The following ATRNL1 variants were observed in gnomAD, a reference collection of about 807,000 sequenced individuals.
ATRNL1 encodes the protein attractin like 1.
In ATRNL1, 95 loss-of-function variants were observed where a neutral mutation model predicts 182.7. That is an observed-to-expected ratio of 0.52 (90% CI 0.44 to 0.62). The LOEUF (loss-of-function observed/expected upper bound fraction) is 0.62. Among genes scored for constraint, ATRNL1 ranks in the 20% least tolerant of loss-of-function variants. The pLI, the probability that ATRNL1 is intolerant of heterozygous loss-of-function variation, is 0.00. For missense variants in ATRNL1, 1,471 were observed against 1,679.5 expected, an observed-to-expected ratio of 0.88 and a Z score of 2.17; for synonymous variants, 576 against 568.3, an observed-to-expected ratio of 1.01 and a Z score of -0.19.
At chr10:115,609,487 G>A (rs144371805) in intron 26 of ATRNL1, among the ~76,000 whole-genome samples, 194 of 152,206 alleles carry the variant, frequency 1.3e-3, no homozygotes, top group African/African-American at 4.2e-3. Context: ...TTAAATAACC[G>A]AATAAATCTT....
At chr10:115,225,859 A>G (rs1349496130) in intron 9 of ATRNL1, among the ~76,000 whole-genome samples, 1 of 151,008 alleles carries the variant, frequency 6.6e-6, no homozygotes, top group Non-Finnish European at 1.5e-5. Flanking sequence ...TCTTTTGGAA[A>G]TTGACATGGT....
chr10:115,172,138 C>T (rs972761816), intron 8 of ATRNL1, among the ~76,000 whole-genome samples: 1 of 151,988 alleles, frequency 6.6e-6, no homozygotes, highest in Non-Finnish European at 1.5e-5. Flanking sequence ...GACTCCCCTT[C>T]GAAATACTCC....
In ATRNL1 at chr10:115,369,758, A is replaced by C. The variant is rs534849466; in HGVS notation, c.3176-24901A>C. Reference sequence around the variant, plus strand: ...TCTTGTTATCTTTTGTCTTCCTGATAACAGCCATTCTAACAGATGTGAGGT... The same window carrying C: ...TCTTGTTATCTTTTGTCTTCCTGATCACAGCCATTCTAACAGATGTGAGGT... On this transcript the variant is annotated intron_variant, in intron 19 of 28. Transcript: ENST00000355044. Among the ~76,000 whole-genome samples the C allele has an allele frequency of 3.1e-4, 47 of 152,320 alleles. 2 individuals are homozygous for C. In the South Asian group the frequency reaches 9.1e-3, roughly 30 times the overall value.
chr10:115,461,731 T>C (rs1182359123), intron 21 of ATRNL1, among the ~76,000 whole-genome samples: 1 of 152,124 alleles, frequency 6.6e-6, no homozygotes, highest in Non-Finnish European at 1.5e-5. Flanking sequence ...ATAAATAAAA[T>C]TTTTAAGGAA....
Position 115,093,783 on chromosome 10 carries a change from C to A in ATRNL1, c.33C>A (p.Thr11=). The part of the protein sequence containing the change: METGGRARTG[T]PQPAAPGVWR... The stretch of plus-strand genomic sequence containing the variant: ...CTGGGGGCCGGGCCCGCACTGGTAC[C>A]CCGCAGCCAGCGGCCCCGGGGGTGT... The change falls in exon 1 of 29, where the codon ACC becomes ACA. Residue 11 remains threonine (T), a synonymous_variant. Transcript: ENST00000355044. This position sits in a 1 kb window ranked among gnomAD's most constrained non-coding sequence, Gnocchi z 6.1. 1 of 1,425,912 alleles carries A rather than the reference C, an allele frequency of 7.0e-7. No individual in the cohort carries two copies. The highest frequency in any genetic ancestry group is 9.1e-7 in the Non-Finnish European group (1 of 1,096,614). 88.3% of individuals were successfully genotyped at this position (1,425,912 alleles called of 1,614,324 possible).
At chr10:115,460,674 C>T (rs1554969555) in intron 21 of ATRNL1, among the ~76,000 whole-genome samples, 1 of 152,060 alleles carries the variant, frequency 6.6e-6, no homozygotes, top group African/African-American at 2.4e-5. Flanking sequence ...TGGTAAACTC[C>T]ATGGCTTATT....
chr10:115,740,237 A>G (rs1948096254), intron 27 of ATRNL1, among the ~76,000 whole-genome samples: 1 of 152,170 alleles, frequency 6.6e-6, no homozygotes, highest in African/African-American at 2.4e-5. Context: ...TTTTTCATCA[A>G]AGGTCATAGT....
chr10:115,616,378 G>C lies in ATRNL1; in HGVS notation c.3795+66842G>C, dbSNP rs79297813. Among the ~76,000 whole-genome samples the C allele has an allele frequency of 2.6e-3, 397 of 152,212 alleles. 1 individual carries two copies. The highest frequency in any genetic ancestry group is 9.0e-3 in the African/African-American group (373 of 41,542). On this transcript the variant is annotated intron_variant, in intron 26 of 28. Coordinates refer to ENST00000355044, the MANE Select transcript of ATRNL1 (RefSeq NM_207303.4). ...GAAGTTATATTTACAAAGAAAGCAG[G>C]GCATACAATTTGGGAAAATTTACAG... is the stretch of plus-strand genomic sequence containing the variant.
rs180875612 is a variant in ATRNL1, at chr10:115,567,730, A to G, written c.3795+18194A>G. Among the ~76,000 whole-genome samples, 763 of 152,232 alleles carry G rather than the reference A, an allele frequency of 5.0e-3. 7 individuals are homozygous for G. Among genetic ancestry groups the G allele is most frequent in the African/African-American group, 0.017 (724 of 41,538 alleles). Reference sequence around the variant, plus strand: ...AATGTACTTATTTTGAATGTTTCCTAATTAGTGAATTACCTGCTCATTAGT... The same window carrying G: ...AATGTACTTATTTTGAATGTTTCCTGATTAGTGAATTACCTGCTCATTAGT... On this transcript the variant is annotated intron_variant, in intron 26 of 28. Transcript: ENST00000355044.
At chr10:115,221,527 T>A (rs1849465708) in intron 9 of ATRNL1, among the ~76,000 whole-genome samples, 1 of 152,132 alleles carries the variant, frequency 6.6e-6, no homozygotes, top group African/African-American at 2.4e-5. Flanking sequence ...GCCTAAAGCA[T>A]GAGAGAACTA....
chr10:115,878,885 A>G (rs1386191660), intron 28 of ATRNL1, among the ~76,000 whole-genome samples: 3 of 152,198 alleles, frequency 2.0e-5, no homozygotes, highest in Non-Finnish European at 4.4e-5. Context: ...GTTTGATTGG[A>G]GAATTGAGAG....
At chr10:115,675,579 T>G (rs1487816326) in intron 26 of ATRNL1, among the ~76,000 whole-genome samples, 2 of 152,094 alleles carry the variant, frequency 1.3e-5, no homozygotes, top group South Asian at 2.1e-4. Flanking sequence ...GATATTTCTC[T>G]AGGCATGCTA....
chr10:115,270,463 A>G (rs1408022675), intron 13 of ATRNL1, among the ~76,000 whole-genome samples: 1 of 147,476 alleles, frequency 6.8e-6, no homozygotes, highest in Non-Finnish European at 1.5e-5. Flanking sequence ...ATATATATAT[A>G]TAAAATGAGA....
At chr10:115,444,489 C>T (rs1554966267) in intron 21 of ATRNL1, among the ~76,000 whole-genome samples, 1 of 151,872 alleles carries the variant, frequency 6.6e-6, no homozygotes. Flanking sequence ...TAAACTGATT[C>T]TAGGCAGAAA....
intron 27 of ATRNL1, among the ~76,000 whole-genome samples, chr10:115,769,909 C>G (rs887637531): frequency 2.0e-5 from 3 of 152,050 alleles, no homozygotes; most frequent in African/African-American, 7.2e-5. Flanking sequence ...TGTAAATATG[C>G]CTTTGAACAA....
intron 9 of ATRNL1, among the ~76,000 whole-genome samples, chr10:115,216,261 G>A (rs546105348): frequency 1.6e-4 from 25 of 152,164 alleles, no homozygotes; most frequent in African/African-American, 6.0e-4. Flanking sequence ...TTGCTCTAGG[G>A]TGCATACTTA....
intron 28 of ATRNL1, among the ~76,000 whole-genome samples, chr10:115,937,889 G>A (rs1470538324): frequency 6.6e-6 from 1 of 152,186 alleles, no homozygotes; most frequent in Non-Finnish European, 1.5e-5. Flanking sequence ...TCATTCAGTC[G>A]TCCTGAAGCA....
At chr10:115,192,721 T>G (rs1424486625) in intron 8 of ATRNL1, among the ~76,000 whole-genome samples, 2 of 149,790 alleles carry the variant, frequency 1.3e-5, no homozygotes. Flanking sequence ...TCCGTTTTTT[T>G]GTGTATTCTC....
chr10:115,702,239 G>T (rs1452462127), intron 26 of ATRNL1, among the ~76,000 whole-genome samples: 1 of 151,620 alleles, frequency 6.6e-6, no homozygotes, highest in African/African-American at 2.4e-5. Context: ...TAAAAATCCT[G>T]AAAAAACTAG....
Sources: gnomAD v4.1 joint callset for allele counts (sites outside exome capture counted in the v4.1 genomes callset) on GRCh38, gnomAD v4.1.1 for gene constraint, Gnocchi (gnomAD v3.1) non-coding constraint, MANE v1.5 for transcripts, NCBI Gene and HGNC (gene_info 2026-07-23, HGNC 2026-07-21) for gene names.